CACNA2D3: variants seen among roughly 807,000 people sequenced by gnomAD.
The protein encoded by CACNA2D3 is voltage-dependent calcium channel subunit alpha-2/delta-3.
Under a neutral mutation model 160.6 loss-of-function variants are expected in CACNA2D3, and 60 were observed. The ratio of observed to expected loss-of-function variants is 0.37; its 90% CI spans 0.30 to 0.46. The LOEUF (loss-of-function observed/expected upper bound fraction) is 0.46. Ranked by LOEUF, CACNA2D3 falls within the 20% of genes least tolerant of loss-of-function variation. The probability of loss-of-function intolerance (pLI) is 1.00; values close to 1 mark genes in which losing one functional copy is unlikely to be tolerated. For missense variants in CACNA2D3, 1,205 were observed against 1,365.0 expected (o/e 0.88, Z 1.85); for synonymous variants, 558 against 492.9 (o/e 1.13, Z -1.75).
intron 3 of CACNA2D3, among the ~76,000 whole-genome samples, chr3:54,380,403 A>C (rs13085994): frequency 0.11 from 16,834 of 152,210 alleles, 1,110 homozygotes; most frequent in African/African-American, 0.18. Context: ...AGTCCCAGGT[A>C]CACACTGATG....
intron 4 of CACNA2D3, among the ~76,000 whole-genome samples, chr3:54,446,712 C>T (rs1227468799): frequency 7.9e-5 from 12 of 152,074 alleles, no homozygotes; most frequent in Non-Finnish European, 1.8e-4. Flanking sequence ...GGTGTCTAAT[C>T]CCTCTCAGAA....
chr3:54,605,910 G>C (rs1698598416), intron 9 of CACNA2D3, among the ~76,000 whole-genome samples: 1 of 152,192 alleles, frequency 6.6e-6, no homozygotes, highest in Non-Finnish European at 1.5e-5. Context: ...GCTCATTTGA[G>C]TGACTTTTCT....
At position 55,058,008 on chromosome 3, in the gene CACNA2D3, A is replaced by G. The variant is rs369253069; in HGVS notation, c.2988-15437A>G. On this transcript the variant is annotated intron_variant, in intron 35 of 37. Transcript: ENST00000474759. The stretch of plus-strand genomic sequence containing the variant: ...TCACCAAAAAAAAATCCATAGGAAC[A>G]GTAATTTAAAAGTCTAAAACATTGC... Among the ~76,000 whole-genome samples, 36 of 152,328 alleles carry G rather than the reference A, an allele frequency of 2.4e-4. No individual in the cohort carries two copies. The East Asian group carries it at 4.8e-3, about 20-fold the overall frequency.
At chr3:54,761,888 T>G (rs1702086595) in intron 12 of CACNA2D3, among the ~76,000 whole-genome samples, 1 of 152,172 alleles carries the variant, frequency 6.6e-6, no homozygotes. Context: ...ATCCTCTGGG[T>G]GGGTCCCGAC....
intron 2 of CACNA2D3, among the ~76,000 whole-genome samples, chr3:54,146,932 G>C (rs918260974): frequency 6.6e-6 from 1 of 152,260 alleles, no homozygotes; most frequent in East Asian, 1.9e-4. Flanking sequence ...ACAGATGTCC[G>C]GGCCAAGGCT....
intron 6 of CACNA2D3, among the ~76,000 whole-genome samples, chr3:54,569,438 G>GA (rs1443006875): frequency 7.2e-6 from 1 of 139,640 alleles, no homozygotes; most frequent in Non-Finnish European, 1.6e-5. Context: ...ATCTATGGAT[G>GA]ATCCCCCCAG....
intron 2 of CACNA2D3, among the ~76,000 whole-genome samples, chr3:54,175,398 TGAGATCAGGAGATG>T (rs1166568193): frequency 2.0e-5 from 3 of 151,686 alleles, no homozygotes; most frequent in Non-Finnish European, 4.4e-5. Context: ...GGGCGGGTCA[TGAGATCAGGAGATG>T]GAGACCATCC....
chr3:54,852,860 G>C (rs1699088485), intron 17 of CACNA2D3, among the ~76,000 whole-genome samples: 1 of 152,166 alleles, frequency 6.6e-6, no homozygotes, highest in Non-Finnish European at 1.5e-5. Context: ...TAAAAAGGTA[G>C]GAGCACTTCT....
chr3:54,642,466 G>A (rs772621121), intron 11 of CACNA2D3, among the ~76,000 whole-genome samples: 6 of 152,162 alleles, frequency 3.9e-5, no homozygotes, highest in Non-Finnish European at 5.9e-5. Flanking sequence ...CATAGTGGAC[G>A]TATTCTGTGA....
At chr3:54,622,939 G>A (rs1326476548) in intron 9 of CACNA2D3, among the ~76,000 whole-genome samples, 2 of 152,180 alleles carry the variant, frequency 1.3e-5, no homozygotes, top group East Asian at 1.9e-4. Flanking sequence ...TAAACCGATC[G>A]CACCATACGA....
intron 31 of CACNA2D3, among the ~76,000 whole-genome samples, chr3:54,988,403 T>C (rs1702664271): frequency 6.6e-6 from 1 of 152,144 alleles, no homozygotes; most frequent in Non-Finnish European, 1.5e-5. Flanking sequence ...GCCATGCTCT[T>C]GGGAATACCT....
At chr3:54,188,805 C>G (rs940360534) in intron 2 of CACNA2D3, among the ~76,000 whole-genome samples, 13 of 152,204 alleles carry the variant, frequency 8.5e-5, no homozygotes, top group African/African-American at 3.1e-4. Context: ...TTTTGCTTAT[C>G]ATTAGAATGG....
rs117408851 is a variant in CACNA2D3, at chr3:54,391,118, C to T, written c.381+4344C>T. Among the ~76,000 whole-genome samples the T allele has an allele frequency of 9.2e-5, 14 of 152,312 alleles. No homozygotes were observed. The East Asian group carries it at 1.7e-3, about 19-fold the overall frequency. ...GAGATGATGGATCTGCCCCTTCTCT[C>T]GCTTTAGACTGGAGACGTTGCATCA... On this transcript the variant is annotated intron_variant, in intron 4 of 37. Coordinates refer to ENST00000474759, the MANE Select transcript of CACNA2D3 (RefSeq NM_018398.3).
intron 11 of CACNA2D3, among the ~76,000 whole-genome samples, chr3:54,743,037 G>A (rs1701685222): frequency 6.6e-6 from 1 of 152,210 alleles, no homozygotes; most frequent in Admixed American, 6.5e-5. Context: ...ATTGAAAATA[G>A]AGTCGCAATG....
At chr3:54,901,510 GC>G (rs1700332118) in intron 27 of CACNA2D3, among the ~76,000 whole-genome samples, 1 of 152,136 alleles carries the variant, frequency 6.6e-6, no homozygotes, top group South Asian at 2.1e-4. Context: ...CAAATGCTAT[GC>G]CAGTCTATTG....
At chr3:55,063,465 GAAAA>G (rs1007026959) in intron 35 of CACNA2D3, among the ~76,000 whole-genome samples, 2 of 150,700 alleles carry the variant, frequency 1.3e-5, no homozygotes, top group African/African-American at 4.9e-5. Flanking sequence ...GCCATCAGTA[GAAAA>G]AAAAATGCAA....
At chr3:54,327,339 C>G (rs1356781760) in intron 3 of CACNA2D3, among the ~76,000 whole-genome samples, 2 of 152,224 alleles carry the variant, frequency 1.3e-5, no homozygotes, top group Admixed American at 6.5e-5. Flanking sequence ...CATGTCTTCT[C>G]TCCTCAAGCT....
intron 3 of CACNA2D3, among the ~76,000 whole-genome samples, chr3:54,326,066 T>G (rs893228215): frequency 6.6e-6 from 1 of 152,344 alleles, no homozygotes; most frequent in South Asian, 2.1e-4. Context: ...CTGTGGAAAG[T>G]AATTGCTGTT....
At chr3:54,671,094 A>G (rs1191332756) in intron 11 of CACNA2D3, among the ~76,000 whole-genome samples, 1 of 152,066 alleles carries the variant, frequency 6.6e-6, no homozygotes, top group Non-Finnish European at 1.5e-5. Context: ...TAAAAACCAC[A>G]CCTAGAAAGA....
Sources: gnomAD v4.1 joint callset for allele counts (sites outside exome capture counted in the v4.1 genomes callset) on GRCh38, gnomAD v4.1.1 for gene constraint, MANE v1.5 for transcripts, NCBI Gene and HGNC (gene_info 2026-07-23, HGNC 2026-07-21) for gene names.